The following OLA1 variants were observed in gnomAD, a reference collection of about 807,000 sequenced individuals.
OLA1 encodes the protein obg-like ATPase 1.
Under a neutral mutation model 48.4 loss-of-function variants are expected in OLA1, and 14 were observed. That is an observed-to-expected ratio of 0.29 (90% CI 0.19 to 0.45). The LOEUF is 0.45. OLA1 is among the 20% of genes least tolerant of loss of function. The probability of loss-of-function intolerance (pLI) is 1.00; values close to 1 mark genes in which losing one functional copy is unlikely to be tolerated. For missense variants in OLA1, 325 were observed against 467.1 expected (o/e 0.70, Z 2.80); for synonymous variants, 127 against 150.4 (o/e 0.84, Z 1.14).
intron 7 of OLA1, among the ~76,000 whole-genome samples, chr2:174,086,518 A>G (rs1684982299): frequency 6.6e-6 from 1 of 152,134 alleles, no homozygotes; most frequent in Non-Finnish European, 1.5e-5. Flanking sequence ...CCACCTTTTC[A>G]CTTAAAGGAA....
chr2:174,112,709 C>A (rs1685682513), intron 7 of OLA1, among the ~76,000 whole-genome samples: 1 of 152,150 alleles, frequency 6.6e-6, no homozygotes, highest in Non-Finnish European at 1.5e-5. Context: ...CTCTGTCTCC[C>A]ACTTGTTTCT....
intron 7 of OLA1, among the ~76,000 whole-genome samples, chr2:174,108,652 CCA>C (rs1391090788): frequency 6.6e-6 from 1 of 152,104 alleles, no homozygotes; most frequent in African/African-American, 2.4e-5. Flanking sequence ...ATGAATTTCT[CCA>C]GTTACTTTTT....
chr2:174,167,901 A>T (rs12465566), intron 4 of OLA1, among the ~76,000 whole-genome samples: 1 of 151,970 alleles, frequency 6.6e-6, no homozygotes, highest in Non-Finnish European at 1.5e-5. Flanking sequence ...TTCAATAATG[A>T]CATAGTAAGA....
intron 2 of OLA1, among the ~76,000 whole-genome samples, chr2:174,243,763 T>A (rs1174331303): frequency 1.3e-5 from 2 of 152,228 alleles, no homozygotes; most frequent in Non-Finnish European, 2.9e-5. Flanking sequence ...AATATCTGAT[T>A]AGCTATAAAT....
intron 7 of OLA1, among the ~76,000 whole-genome samples, chr2:174,087,401 G>A (rs528410221): frequency 4.0e-5 from 6 of 151,864 alleles, no homozygotes; most frequent in South Asian, 2.1e-4. Flanking sequence ...GTGTTTCTAC[G>A]TATTAGGAAC....
At chr2:174,144,930 T>TAAAAAAAAAAAA (rs71021671) in intron 4 of OLA1, among the ~76,000 whole-genome samples, 1 of 41,114 alleles carries the variant, frequency 2.4e-5, no homozygotes, top group Admixed American at 4.2e-4. Context: ...AGACCCTGTT[T>TAAAAAAAAAAAA]AAAAAAAAAA....
chr2:174,166,377 T>C (rs961929962), intron 4 of OLA1, among the ~76,000 whole-genome samples: 14 of 152,156 alleles, frequency 9.2e-5, no homozygotes, highest in African/African-American at 2.9e-4. Context: ...AGATACCAGA[T>C]TTGAGCAAGC....
At chr2:174,138,343 A>C (rs1686359148) in intron 5 of OLA1, among the ~76,000 whole-genome samples, 1 of 152,130 alleles carries the variant, frequency 6.6e-6, no homozygotes, top group Non-Finnish European at 1.5e-5. Flanking sequence ...GGAGAGGGAG[A>C]AAGATGGGAA....
chr2:174,216,701 C>G (rs184765684), intron 4 of OLA1, among the ~76,000 whole-genome samples: 3 of 151,884 alleles, frequency 2.0e-5, no homozygotes, highest in African/African-American at 7.3e-5. Context: ...TACAGGTGCA[C>G]GCCACAATGC....
At chr2:174,194,019 T>C (rs1053340791) in intron 4 of OLA1, among the ~76,000 whole-genome samples, 1 of 152,142 alleles carries the variant, frequency 6.6e-6, no homozygotes, top group Non-Finnish European at 1.5e-5. Context: ...CACTTTCCTC[T>C]CCCCAACTGC....
intron 5 of OLA1, among the ~76,000 whole-genome samples, chr2:174,140,556 TG>T (rs1466613151): frequency 6.6e-6 from 1 of 151,740 alleles, no homozygotes; most frequent in East Asian, 1.9e-4. Flanking sequence ...TTAGTCGAGA[TG>T]GGGTTTCACA....
chr2:174,138,854 T>C (rs1407140878), intron 5 of OLA1, among the ~76,000 whole-genome samples: 1 of 152,230 alleles, frequency 6.6e-6, no homozygotes, highest in African/African-American at 2.4e-5. Flanking sequence ...GACATTAATT[T>C]TTTACTCAGA....
At chr2:174,159,370 TA>T (rs1241038085) in intron 4 of OLA1, among the ~76,000 whole-genome samples, 1 of 152,172 alleles carries the variant, frequency 6.6e-6, no homozygotes, top group Non-Finnish European at 1.5e-5. Context: ...AAGGATATTT[TA>T]AAATAATAAG....
chr2:174,173,259 A>T lies in OLA1; in HGVS notation c.374-31259T>A, dbSNP rs552514929. Among the ~76,000 whole-genome samples the T allele has an allele frequency of 5.9e-5, 9 of 152,326 alleles. No individual in the cohort carries two copies. In the East Asian group the frequency reaches 1.5e-3, roughly 26 times the overall value. ...CATCATCCTGTTTAGTCATCTAATA[A>T]GAAGAAATGATTATAAAATTCCAGC... On this transcript the variant is annotated intron_variant, in intron 4 of 10. Transcript: ENST00000284719.
intron 7 of OLA1, among the ~76,000 whole-genome samples, chr2:174,104,410 A>G (rs1015804412): frequency 5.9e-5 from 9 of 152,236 alleles, no homozygotes; most frequent in African/African-American, 2.2e-4. Context: ...CATTACAACA[A>G]TTAAATATCA....
At chr2:174,247,970 G>C in intron 1 of OLA1, 1 of 653,276 alleles carries the variant, frequency 1.5e-6, no homozygotes, top group South Asian at 2.0e-5. Flanking sequence ...GCTGAGAGTT[G>C]TACCTCCTAG....
chr2:174,153,406 C>A (rs1044573813), intron 4 of OLA1, among the ~76,000 whole-genome samples: 1 of 151,892 alleles, frequency 6.6e-6, no homozygotes, highest in African/African-American at 2.4e-5. Flanking sequence ...AGAGAAAGCA[C>A]GTAGAAAGAC....
At chr2:174,225,234 C>G (rs931413919) in intron 3 of OLA1, among the ~76,000 whole-genome samples, 1 of 152,142 alleles carries the variant, frequency 6.6e-6, no homozygotes, top group Non-Finnish European at 1.5e-5. Context: ...ACCCACTCCC[C>G]TTTTCATCTT....
intron 2 of OLA1, among the ~76,000 whole-genome samples, chr2:174,245,505 C>T (rs1689106614): frequency 6.6e-6 from 1 of 152,216 alleles, no homozygotes; most frequent in African/African-American, 2.4e-5. Flanking sequence ...TGATCACTTT[C>T]ACAAATCCAC....
Sources: gnomAD v4.1 joint callset for allele counts (sites outside exome capture counted in the v4.1 genomes callset) on GRCh38, gnomAD v4.1.1 for gene constraint, MANE v1.5 for transcripts, NCBI Gene and HGNC (gene_info 2026-07-23, HGNC 2026-07-21) for gene names.